The following ELOVL6 variants were observed in gnomAD, a reference collection of about 807,000 sequenced individuals.
The protein encoded by ELOVL6 is ELOVL fatty acid elongase 6.
Under a neutral mutation model 31.7 loss-of-function variants are expected in ELOVL6, and 8 were observed. That is an observed-to-expected ratio of 0.25 (90% CI 0.15 to 0.45). The LOEUF (loss-of-function observed/expected upper bound fraction) is 0.45. Ranked by LOEUF, ELOVL6 falls within the 20% of genes least tolerant of loss-of-function variation. The probability of loss-of-function intolerance (pLI) is 1.00; values close to 1 mark genes in which losing one functional copy is unlikely to be tolerated. For missense variants in ELOVL6, 126 were observed against 326.4 expected, an observed-to-expected ratio of 0.39 and a Z score of 4.73; for synonymous variants, 101 against 117.7, an observed-to-expected ratio of 0.86 and a Z score of 0.92.
At chr4:110,052,923 A>G (rs1490751723) in intron 3 of ELOVL6, among the ~76,000 whole-genome samples, 1 of 152,144 alleles carries the variant, frequency 6.6e-6, no homozygotes, top group African/African-American at 2.4e-5. Flanking sequence ...TTTTGTGTAA[A>G]AAACAAAAGC....
chr4:110,092,609 T>C (rs562778364), intron 2 of ELOVL6, among the ~76,000 whole-genome samples: 7 of 152,310 alleles, frequency 4.6e-5, no homozygotes, highest in African/African-American at 1.7e-4. Context: ...AAGAAAAGTC[T>C]AGTATTTTTC....
At chr4:110,176,596 T>C (rs1372977603) in intron 1 of ELOVL6, among the ~76,000 whole-genome samples, 1 of 152,212 alleles carries the variant, frequency 6.6e-6, no homozygotes, top group African/African-American at 2.4e-5. Flanking sequence ...TGGTCAAAGA[T>C]AACTTATAGC....
intron 1 of ELOVL6, among the ~76,000 whole-genome samples, chr4:110,125,402 A>G (rs1176690324): frequency 1.3e-5 from 2 of 152,204 alleles, no homozygotes; most frequent in Non-Finnish European, 2.9e-5. Flanking sequence ...TCGTATCTTT[A>G]TAGAACTCAG....
At chr4:110,103,531 A>G (rs983797690) in intron 2 of ELOVL6, among the ~76,000 whole-genome samples, 1 of 152,234 alleles carries the variant, frequency 6.6e-6, no homozygotes, top group African/African-American at 2.4e-5. Context: ...ATAACTGTAT[A>G]TACTTCAAGA....
intron 2 of ELOVL6, among the ~76,000 whole-genome samples, chr4:110,075,930 C>T (rs981323346): frequency 6.6e-6 from 1 of 152,186 alleles, no homozygotes; most frequent in African/African-American, 2.4e-5. Flanking sequence ...ATGTAGGTGA[C>T]ATGTGCTTTT....
chr4:110,175,727 C>T (rs77483564), intron 1 of ELOVL6, among the ~76,000 whole-genome samples: 2,000 of 152,288 alleles, frequency 0.013, 26 homozygotes, highest in South Asian at 0.019. Flanking sequence ...TTACATCTAT[C>T]ATCCCTCTTT....
intron 1 of ELOVL6, among the ~76,000 whole-genome samples, chr4:110,189,788 G>A (rs1759559097): frequency 6.6e-6 from 1 of 151,684 alleles, no homozygotes; most frequent in African/African-American, 2.4e-5. Context: ...CTAACACAGT[G>A]AAACCCCGTC....
At chr4:110,070,793 G>A (rs574445703) in intron 2 of ELOVL6, among the ~76,000 whole-genome samples, 33 of 152,078 alleles carry the variant, frequency 2.2e-4, no homozygotes, top group Admixed American at 1.8e-3. Flanking sequence ...TTCCCCAGTC[G>A]CCTCCACCAT....
chr4:110,100,514 T>C (rs1478769323), intron 2 of ELOVL6, among the ~76,000 whole-genome samples: 1 of 152,186 alleles, frequency 6.6e-6, no homozygotes, highest in African/African-American at 2.4e-5. Flanking sequence ...ATGCTGCAGA[T>C]ATGATTTAAT....
chr4:110,088,243 G>A (rs1378588398), intron 2 of ELOVL6, among the ~76,000 whole-genome samples: 2 of 152,134 alleles, frequency 1.3e-5, no homozygotes, highest in Admixed American at 6.5e-5. Context: ...TACATTTTCC[G>A]GGAGTGAAAA....
Position 110,105,612 on chromosome 4 carries a change from A to G in ELOVL6, c.106T>C (p.Phe36Leu). 1 of 1,610,526 alleles carries G rather than the reference A, an allele frequency of 6.2e-7. No individual in the cohort carries two copies. The highest frequency in any genetic ancestry group is 2.2e-5 in the East Asian group (1 of 44,824). Residue 36 changes from phenylalanine (F) to leucine (L), a missense_variant, in exon 2 of 4, where the codon TTT becomes CTT. Phe to Leu is a conservative substitution (Grantham distance 22). Coordinates refer to ENST00000302274, the MANE Select transcript of ELOVL6 (RefSeq NM_024090.3). ...MQENWKKSFLFSALYAAFIFG... is the reference protein window; with the variant it reads ...MQENWKKSFLLSALYAAFIFG... ...ATAAAGGCAGCATACAGAGCAGAAA[A>G]CAGGAAAGATTTCTTCCTGCAAACA...
intron 1 of ELOVL6, among the ~76,000 whole-genome samples, chr4:110,178,683 G>A (rs564701080): frequency 4.0e-4 from 61 of 152,126 alleles, no homozygotes; most frequent in Non-Finnish European, 7.4e-4. Context: ...GTGAGACCTC[G>A]TCTCTACAAA....
intron 1 of ELOVL6, among the ~76,000 whole-genome samples, chr4:110,141,546 C>T (rs1757956588): frequency 6.6e-6 from 1 of 151,804 alleles, no homozygotes; most frequent in South Asian, 2.1e-4. Flanking sequence ...GGCAGCACTA[C>T]AGATGATGGA....
rs1008949209 is a variant in ELOVL6, at chr4:110,120,798, CTTTTTTT to C, written c.90-15177_90-15171del. On this transcript the variant is annotated intron_variant, in intron 1 of 3. Transcript: ENST00000302274. ...CTGGTTCTTTTCTTTTTTTTCTTTT[CTTTTTTT>C]TTTTTTTTTTTTTGAAACAGAGTCT... Among the ~76,000 whole-genome samples the C allele has an allele frequency of 5.4e-3, 638 of 117,860 alleles. 1 individual carries two copies. Among genetic ancestry groups the C allele is most frequent in the Non-Finnish European group, 8.8e-3 (499 of 56,862 alleles). 77.3% of individuals were successfully genotyped at this position (117,860 alleles called of 152,430 possible).
intron 2 of ELOVL6, among the ~76,000 whole-genome samples, chr4:110,086,189 G>A (rs34415611): frequency 0.25 from 37,753 of 151,990 alleles, 4,910 homozygotes; most frequent in Non-Finnish European, 0.29. Flanking sequence ...TTTTTGACCT[G>A]TCTCAGTTAT....
At chr4:110,157,185 T>G (rs979197026) in intron 1 of ELOVL6, among the ~76,000 whole-genome samples, 3 of 152,194 alleles carry the variant, frequency 2.0e-5, no homozygotes, top group African/African-American at 7.2e-5. Flanking sequence ...TAGTGTCAAG[T>G]AACCACAAAC....
chr4:110,145,914 AC>A (rs1435275915), intron 1 of ELOVL6, among the ~76,000 whole-genome samples: 2 of 152,222 alleles, frequency 1.3e-5, no homozygotes, highest in Non-Finnish European at 2.9e-5. Context: ...CATCAAAATG[AC>A]CATACTGCCC....
intron 1 of ELOVL6, among the ~76,000 whole-genome samples, chr4:110,164,957 A>G (rs1758730248): frequency 6.6e-6 from 1 of 151,588 alleles, no homozygotes; most frequent in African/African-American, 2.4e-5. Flanking sequence ...TCCCACCTCA[A>G]CCTCTCGAGG....
At chr4:110,139,472 A>G (rs948007621) in intron 1 of ELOVL6, among the ~76,000 whole-genome samples, 1 of 152,160 alleles carries the variant, frequency 6.6e-6, no homozygotes, top group Non-Finnish European at 1.5e-5. Context: ...TTTTGCTTAC[A>G]TATATAATTT....
Sources: gnomAD v4.1 joint callset for allele counts (sites outside exome capture counted in the v4.1 genomes callset) on GRCh38, gnomAD v4.1.1 for gene constraint, MANE v1.5 for transcripts, NCBI Gene and HGNC (gene_info 2026-07-23, HGNC 2026-07-21) for gene names.